DVL1: variants seen among roughly 807,000 people sequenced by gnomAD.
DVL1 encodes dishevelled segment polarity protein 1.
Under a neutral mutation model 65.0 loss-of-function variants are expected in DVL1, and 49 were observed. The ratio of observed to expected loss-of-function variants is 0.75; its 90% confidence interval spans 0.60 to 0.96. The LOEUF is 0.96. Ranked by LOEUF, DVL1 falls within the 40% of genes least tolerant of loss-of-function variation. The probability of loss-of-function intolerance (pLI) is 0.00; values close to 1 mark genes in which losing one functional copy is unlikely to be tolerated. For synonymous variants in DVL1, 608 were observed against 433.9 expected (o/e 1.40, Z -4.99); for missense variants, 1,197 against 1,045.4 (o/e 1.15, Z -2.00).
intron 14 of DVL1, among the ~76,000 whole-genome samples, 173 bp from the exon 15 acceptor site, chr1:1,336,688 A>G (rs1643588912): frequency 6.6e-6 from 1 of 152,182 alleles, no homozygotes. Flanking sequence ...TCGCAGGGGC[A>G]GCTGCGGCAG....
chr1:1,339,361 C>G lies in DVL1; in HGVS notation c.1133G>C (p.Gly378Ala). The change falls in exon 11 of 15, where the codon GGT becomes GCT. Residue 378 changes from glycine to alanine, a missense_variant. Transcript: ENST00000378888. ...GACGGCGCTGGAGCAGGGACTCGTA[C>G]CGTAGCGGGGCAGGGCTCCTGTCAG... ...AALTGALPRYGTSPCSSAVTR... is the reference protein window; with the variant it reads ...AALTGALPRYATSPCSSAVTR... 6.5e-7 allele frequency: 1 copy of G among 1,548,804 alleles called. No homozygotes were observed. The highest frequency in any genetic ancestry group is 8.7e-7 in the Non-Finnish European group (1 of 1,146,880).
chr1:1,338,229 T>TGGCCCCCC, intron 13 of DVL1, 40 bp downstream of exon 13: 146 of 1,521,648 alleles, frequency 9.6e-5, no homozygotes, highest in Non-Finnish European at 1.2e-4. Context: ...CCTCCGGCGT[T>TGGCCCCCC]CCCCTCCCCC....
At chr1:1,340,584 G>A in intron 5 of DVL1, 81 bp from the exon 6 acceptor site, 2 of 1,445,384 alleles carry the variant, frequency 1.4e-6, no homozygotes, top group Middle Eastern at 1.8e-4. Context: ...TACTGAGTGG[G>A]AATCGGGGGT....
intron 1 of DVL1, among the ~76,000 whole-genome samples, chr1:1,347,403 G>A (rs769325063): frequency 6.6e-6 from 1 of 152,184 alleles, no homozygotes; most frequent in Non-Finnish European, 1.5e-5. Flanking sequence ...ACTGCTAGAA[G>A]TGCACTAGGG....
intron 1 of DVL1, among the ~76,000 whole-genome samples, chr1:1,345,548 C>G (rs1025183993): frequency 4.6e-5 from 7 of 152,296 alleles, no homozygotes; most frequent in East Asian, 3.9e-4. Flanking sequence ...CTGCCAGGGG[C>G]GCCCCTGCCG....
chr1:1,335,793 G>A lies in DVL1; in HGVS notation c.*349C>T, dbSNP rs975306112. On this transcript the variant is annotated 3_prime_UTR_variant, in exon 15 of 15. Transcript: ENST00000378888. ...CCTGTGCACCGCAGGGGGTTGCCCC[G>A]CATGGACCACCCTGGGGGCCTGGGC... 4.3e-5 allele frequency: 14 copies of A among 323,734 alleles called. No individual in the cohort carries two copies. The highest frequency in any genetic ancestry group is 4.2e-4 in the Admixed American group (9 of 21,414). 20.1% of individuals were successfully genotyped at this position (323,734 alleles called of 1,614,324 possible).
Position 1,336,079 on chromosome 1 carries a change from G to A in DVL1, c.*63C>T, listed in dbSNP as rs556813803. ...CCCCCACGAAGGCAAGCCCACGCGA[G>A]CTCTGCATGCGGCAGGACCGCCAGC... On this transcript the variant is annotated 3_prime_UTR_variant, in exon 15 of 15. Coordinates refer to ENST00000378888, the MANE Select transcript of DVL1 (RefSeq NM_001330311.2). 3.3e-6 allele frequency: 5 copies of A among 1,535,458 alleles called. No individual in the cohort carries two copies. The highest frequency in any genetic ancestry group is 1.7e-4 in the Middle Eastern group (1 of 5,970).
At chr1:1,344,998 C>T (rs933035512) in intron 1 of DVL1, among the ~76,000 whole-genome samples, 2 of 152,036 alleles carry the variant, frequency 1.3e-5, no homozygotes, top group South Asian at 2.1e-4. Flanking sequence ...TCTGACTCAC[C>T]GGAGGGAGAC....
In DVL1 at chr1:1,339,646, G is replaced by A. The variant is rs774809787; in HGVS notation, c.990C>T (p.Pro330=). The stretch of plus-strand genomic sequence containing the variant: ...AGCACTTGGCCACAGTGAGGCTGAT[G>A]GGCCTGCAGGAACGGTGGTCACACA... The part of the protein sequence containing the change: ...VLREIVSQTG[P]ISLTVAKCWD... The change falls in exon 10 of 15, where the codon CCC becomes CCT. Residue 330 remains proline (P), a synonymous_variant. Transcript: ENST00000378888. 6.2e-6 allele frequency: 10 copies of A among 1,610,622 alleles called. No individual in the cohort carries two copies. Among genetic ancestry groups the A allele is most frequent in the Admixed American group, 1.7e-5 (1 of 59,928 alleles).
chr1:1,341,527 CAG>C, intron 5 of DVL1, 138 bp downstream of exon 5: 1 of 1,184,894 alleles, frequency 8.4e-7, no homozygotes, highest in Non-Finnish European at 1.1e-6. Context: ...ATCATGTACA[CAG>C]ACATTTGCAG....
chr1:1,338,993 C>T (rs1019807941), intron 11 of DVL1, among the ~76,000 whole-genome samples: 2 of 152,156 alleles, frequency 1.3e-5, no homozygotes, highest in Non-Finnish European at 2.9e-5. Context: ...GGCTGTTAGT[C>T]GTGTTAATGG....
In DVL1 at chr1:1,342,736, C is replaced by T; in HGVS notation, c.193G>A (p.Asp65Asn). Residue 65 changes from aspartate to asparagine, a missense_variant, in exon 2 of 15, where the codon GAT becomes AAT. Asp to Asn is a conservative substitution (Grantham distance 23). Transcript: ENST00000378888. ...AAGCAGGGAAGCTTGGCATTGTCAT[C>T]AAAGATCTCCTCCTTCACCACCCTG... ...DFGVVKEEIFDDNAKLPCFNG... is the reference protein window; with the variant it reads ...DFGVVKEEIFNDNAKLPCFNG... The T allele has an allele frequency of 6.2e-7, 1 of 1,613,080 alleles. No individual in the cohort carries two copies. The highest frequency in any genetic ancestry group is 1.1e-5 in the South Asian group (1 of 91,088).
chr1:1,337,949 G>A (rs939780908), intron 14 of DVL1, 28 bp downstream of exon 14: 2 of 1,592,112 alleles, frequency 1.3e-6, no homozygotes, highest in African/African-American at 1.3e-5. Flanking sequence ...CGGAGCCGGG[G>A]AAGGGCAGGT....
chr1:1,342,177 G>T, intron 3 of DVL1, 21 bp from the exon 4 acceptor site: 1 of 1,541,682 alleles, frequency 6.5e-7, no homozygotes, highest in Non-Finnish European at 8.8e-7. Flanking sequence ...AGAGCAGGGT[G>T]GGTGGGGAGG....
intron 2 of DVL1, 48 bp from the exon 3 acceptor site, chr1:1,342,532 C>A (rs558183247): frequency 6.3e-7 from 1 of 1,592,970 alleles, no homozygotes; most frequent in South Asian, 1.1e-5. Flanking sequence ...GCCTTCAGGA[C>A]GCCTCCTCAG....
At position 1,336,201 on chromosome 1, in the gene DVL1, G is replaced by A. The variant is rs781175326; in HGVS notation, c.2029C>T (p.Arg677Cys). 58 of 1,564,668 alleles carry A rather than the reference G, an allele frequency of 3.7e-5. No individual in the cohort carries two copies. The highest frequency in any genetic ancestry group is 1.5e-4 in the African/African-American group (11 of 74,284). ...CCCATAGCCTTCTGGAAGGACTGGC[G>A]GCTGCCTGTCAATTCCGGGGGGACG... ...AAVPPELTGS[R>C]QSFQKAMGNP... The change falls in exon 15 of 15, where the codon CGC becomes TGC. Residue 677 changes from arginine to cysteine, a missense_variant. Physicochemically the swap from Arg to Cys is radical, Grantham distance 180. Transcript: ENST00000378888.
At chr1:1,346,493 G>A (rs555281372) in intron 1 of DVL1, among the ~76,000 whole-genome samples, 1 of 152,332 alleles carries the variant, frequency 6.6e-6, no homozygotes, top group South Asian at 2.1e-4. Flanking sequence ...CCAGCACCAG[G>A]CAGAGACCCT....
At chr1:1,338,913 C>T (rs1258467677) in intron 11 of DVL1, among the ~76,000 whole-genome samples, 2 of 152,256 alleles carry the variant, frequency 1.3e-5, no homozygotes, top group African/African-American at 2.4e-5. Context: ...ACACCCCACC[C>T]TGCAGACCAG....
intron 1 of DVL1, among the ~76,000 whole-genome samples, chr1:1,348,580 G>A (rs1038940762): frequency 6.6e-6 from 1 of 151,952 alleles, no homozygotes; most frequent in East Asian, 1.9e-4. Context: ...CCGCACCAAC[G>A]GCAGGCGCTC....
Sources: gnomAD v4.1 joint callset for allele counts (sites outside exome capture counted in the v4.1 genomes callset) on GRCh38, gnomAD v4.1.1 for gene constraint, MANE v1.5 for transcripts, NCBI Gene and HGNC (gene_info 2026-07-23, HGNC 2026-07-21) for gene names.